Variants in EBF2 observed in about 807,000 individuals in gnomAD.
EBF2 encodes the protein transcription factor COE2.
A neutral mutation model predicts 72.8 loss-of-function variants in EBF2; 21 were observed. The observed-to-expected ratio is 0.29, with a 90% CI of 0.20 to 0.42. The LOEUF (loss-of-function observed/expected upper bound fraction) is 0.42. Ranked by LOEUF, EBF2 falls within the 10% of genes least tolerant of loss-of-function variation. The probability of loss-of-function intolerance (pLI) is 1.00; values close to 1 mark genes in which losing one functional copy is unlikely to be tolerated. For synonymous variants in EBF2, 299 were observed against 274.2 expected, an observed-to-expected ratio of 1.09 and a Z score of -0.89; for missense variants, 637 against 731.2, an observed-to-expected ratio of 0.87 and a Z score of 1.49.
At chr8:26,003,032 T>G (rs1476491772) in intron 6 of EBF2, among the ~76,000 whole-genome samples, 1 of 152,064 alleles carries the variant, frequency 6.6e-6, no homozygotes, top group Non-Finnish European at 1.5e-5. Context: ...GTTCTCAGCC[T>G]CATTTTGCAG....
intron 10 of EBF2, among the ~76,000 whole-genome samples, chr8:25,867,437 A>C (rs1296868246): frequency 6.6e-6 from 1 of 152,182 alleles, no homozygotes; most frequent in Admixed American, 6.5e-5. Context: ...GAGACCGCTC[A>C]TATTCTCCAC....
intron 6 of EBF2, among the ~76,000 whole-genome samples, chr8:26,014,954 C>T (rs1025776906): frequency 6.6e-6 from 1 of 152,168 alleles, no homozygotes; most frequent in Non-Finnish European, 1.5e-5. Flanking sequence ...ATAACCCTAC[C>T]TAATTATACT....
chr8:25,894,543 T>C (rs1802835910), intron 7 of EBF2, among the ~76,000 whole-genome samples: 2 of 152,116 alleles, frequency 1.3e-5, no homozygotes, highest in Middle Eastern at 3.2e-3. Context: ...AACACCTCAC[T>C]CCATTTCCTG....
chr8:26,024,889 A>C (rs1257655433), intron 6 of EBF2, among the ~76,000 whole-genome samples: 1 of 152,218 alleles, frequency 6.6e-6, no homozygotes, highest in Non-Finnish European at 1.5e-5. Context: ...TCAAGATTTA[A>C]ATGCCATGTG....
intron 6 of EBF2, among the ~76,000 whole-genome samples, chr8:25,946,381 TA>T (rs1803769170): frequency 6.6e-6 from 1 of 152,200 alleles, no homozygotes; most frequent in Non-Finnish European, 1.5e-5. Flanking sequence ...ACCCCAGACC[TA>T]AATATGCTTG....
intron 7 of EBF2, among the ~76,000 whole-genome samples, chr8:25,893,652 G>A (rs1167197004): frequency 2.6e-5 from 4 of 152,132 alleles, no homozygotes; most frequent in African/African-American, 7.2e-5. Flanking sequence ...ATTACGTGGA[G>A]GTAAAGAGCC....
rs921294945 is a variant in EBF2, at chr8:25,976,917, G to T, written c.551+56168C>A. On this transcript the variant is annotated intron_variant, in intron 6 of 15. Transcript: ENST00000520164. The stretch of plus-strand genomic sequence containing the variant: ...AGACTGTTTAGACATTAAAAGGAAC[G>T]CTCTGTGCACCTCCTTTTAAACTCC... Among the ~76,000 whole-genome samples, 12 of 152,282 alleles carry T rather than the reference G, an allele frequency of 7.9e-5. No homozygotes were observed. In the South Asian group the frequency reaches 2.5e-3, roughly 32 times the overall value.
intron 6 of EBF2, among the ~76,000 whole-genome samples, chr8:25,974,753 C>A (rs183681684): frequency 1.3e-5 from 2 of 152,170 alleles, no homozygotes; most frequent in South Asian, 2.1e-4. Flanking sequence ...CCTGCCCCCC[C>A]ATCCTACTGT....
At chr8:26,028,816 T>C (rs1805346224) in intron 6 of EBF2, among the ~76,000 whole-genome samples, 2 of 152,218 alleles carry the variant, frequency 1.3e-5, no homozygotes, top group South Asian at 4.1e-4. Flanking sequence ...CATTAGTGTT[T>C]CTGTTTTGTT....
At chr8:25,920,377 A>G (rs1303573347) in intron 6 of EBF2, among the ~76,000 whole-genome samples, 2 of 152,220 alleles carry the variant, frequency 1.3e-5, no homozygotes, top group African/African-American at 4.8e-5. Context: ...CACTTCCTCC[A>G]TAAAGCACTG....
At chr8:25,930,476 C>T (rs1053250269) in intron 6 of EBF2, among the ~76,000 whole-genome samples, 8 of 152,092 alleles carry the variant, frequency 5.3e-5, no homozygotes, top group African/African-American at 9.7e-5. Flanking sequence ...ATGTTACCAC[C>T]GCTTAGTGCC....
chr8:25,984,936 G>A (rs1413554565), intron 6 of EBF2, among the ~76,000 whole-genome samples: 5 of 144,128 alleles, frequency 3.5e-5, no homozygotes, highest in African/African-American at 1.0e-4. Context: ...CTCAGCTTCT[G>A]AAAAAAAAAA....
At chr8:25,963,136 G>A (rs1804061321) in intron 6 of EBF2, among the ~76,000 whole-genome samples, 1 of 152,164 alleles carries the variant, frequency 6.6e-6, no homozygotes, top group Admixed American at 6.5e-5. Flanking sequence ...GCATCAGTTT[G>A]GACTCTCAGA....
chr8:25,892,258 T>C (rs1012135109), intron 7 of EBF2, among the ~76,000 whole-genome samples: 6 of 152,204 alleles, frequency 3.9e-5, no homozygotes, highest in Non-Finnish European at 7.3e-5. Context: ...GGCTTCTCTT[T>C]TTTTCTCTCA....
At chr8:26,003,074 G>C (rs1026167504) in intron 6 of EBF2, among the ~76,000 whole-genome samples, 3 of 152,120 alleles carry the variant, frequency 2.0e-5, no homozygotes, top group Admixed American at 1.3e-4. Context: ...GGAAGTTCCT[G>C]ACTGGTCATG....
At chr8:26,035,167 G>C (rs552386720) in intron 5 of EBF2, among the ~76,000 whole-genome samples, 7 of 149,464 alleles carry the variant, frequency 4.7e-5, no homozygotes, top group Non-Finnish European at 8.9e-5. Flanking sequence ...TTTTGAGACA[G>C]GGTCTCCCTT....
intron 6 of EBF2, among the ~76,000 whole-genome samples, chr8:25,984,897 C>G (rs963423763): frequency 1.3e-5 from 2 of 150,906 alleles, no homozygotes; most frequent in African/African-American, 4.9e-5. Flanking sequence ...ATCCACCCAC[C>G]TCCTGAAACT....
chr8:25,860,765 C>A (rs1802199093), intron 13 of EBF2, among the ~76,000 whole-genome samples: 1 of 152,158 alleles, frequency 6.6e-6, no homozygotes, highest in Non-Finnish European at 1.5e-5. Context: ...AATCTACCTG[C>A]CTCAGCCTCC....
At chr8:26,040,887 C>T (rs1264466838) in intron 3 of EBF2, 52 bp downstream of exon 3, 3 of 1,611,000 alleles carry the variant, frequency 1.9e-6, no homozygotes, top group Middle Eastern at 1.7e-4. Context: ...GCGCGTGCGG[C>T]CCGGAAGCCG....
Sources: allele counts gnomAD v4.1 joint callset (sites outside exome capture counted in the v4.1 genomes callset), GRCh38; gene constraint gnomAD v4.1.1; transcripts MANE v1.5; gene names NCBI Gene and HGNC (gene_info 2026-07-23, HGNC 2026-07-21).